The following HTR4 variants were observed in gnomAD, a reference collection of about 807,000 sequenced individuals.
The protein encoded by HTR4 is 5-hydroxytryptamine (serotonin) receptor 4, G protein-coupled.
Under a neutral mutation model 36.8 loss-of-function variants are expected in HTR4, and 16 were observed. That is an observed-to-expected ratio of 0.43 (90% CI 0.29 to 0.66). HTR4 has a LOEUF of 0.66. HTR4 is among the 30% of genes least tolerant of loss of function. The pLI is 0.13. For synonymous variants in HTR4, 189 were observed against 185.1 expected, an observed-to-expected ratio of 1.02 and a Z score of -0.17; for missense variants, 438 against 490.9, an observed-to-expected ratio of 0.89 and a Z score of 1.02.
chr5:148,495,273 A>G (rs1436057581), intron 6 of HTR4, among the ~76,000 whole-genome samples: 1 of 152,234 alleles, frequency 6.6e-6, no homozygotes, highest in Non-Finnish European at 1.5e-5. Flanking sequence ...TGTTATTTTG[A>G]CAATGAAGGA....
intron 2 of HTR4, among the ~76,000 whole-genome samples, chr5:148,585,445 T>C (rs1761309739): frequency 6.6e-6 from 1 of 152,208 alleles, no homozygotes; most frequent in Non-Finnish European, 1.5e-5. Flanking sequence ...TTAACCTTCA[T>C]CCAATAAATA....
chr5:148,477,535 G>T (rs575313107), downstream of HTR4, among the ~76,000 whole-genome samples: 3 of 152,290 alleles, frequency 2.0e-5, no homozygotes, highest in East Asian at 3.9e-4. Context: ...ATTTCCAGCT[G>T]CAGGTAATTT....
intron 6 of HTR4, among the ~76,000 whole-genome samples, chr5:148,497,235 T>C (rs745891885): frequency 1.3e-5 from 2 of 152,178 alleles, no homozygotes; most frequent in African/African-American, 4.8e-5. Flanking sequence ...TCACCCAAGC[T>C]GGAGTGGAGT....
At chr5:148,612,664 G>A (rs1752486765) in intron 2 of HTR4, among the ~76,000 whole-genome samples, 2 of 135,762 alleles carry the variant, frequency 1.5e-5, no homozygotes, top group African/African-American at 5.6e-5. Flanking sequence ...CAGAAGGCAA[G>A]AAATAACTAA....
At chr5:148,516,052 T>C (rs1222398251) in intron 5 of HTR4, among the ~76,000 whole-genome samples, 1 of 150,710 alleles carries the variant, frequency 6.6e-6, no homozygotes, top group Non-Finnish European at 1.5e-5. Flanking sequence ...ATGATACATA[T>C]ATATACATAT....
At chr5:148,539,025 A>G (rs1242439896) in intron 4 of HTR4, among the ~76,000 whole-genome samples, 1 of 152,216 alleles carries the variant, frequency 6.6e-6, no homozygotes, top group African/African-American at 2.4e-5. Flanking sequence ...GTATGAAAAC[A>G]GAAACATAGA....
chr5:148,471,676 TA>T (rs1457908662), downstream of HTR4, among the ~76,000 whole-genome samples: 1 of 152,240 alleles, frequency 6.6e-6, no homozygotes, highest in East Asian at 1.9e-4. Flanking sequence ...GACTTTATTA[TA>T]AATCACTATT....
chr5:148,507,701 A>G (rs1757293067), intron 6 of HTR4, among the ~76,000 whole-genome samples: 1 of 152,064 alleles, frequency 6.6e-6, no homozygotes, highest in Admixed American at 6.6e-5. Context: ...TTAACAATAC[A>G]TCTTATTTAG....
chr5:148,509,483 G>C lies in HTR4; in HGVS notation c.1049C>G (p.Thr350Ser), dbSNP rs774977578. ...LGQTVPCSTT[T>S]INGSTHVLRD... ...TAGTACATGTGTGGATCCATTAATG[G>C]TTGTGGTTGAACAAGGGACAGTCTG... is the stretch of plus-strand genomic sequence containing the variant. The change falls in exon 6 of 7, where the codon ACC becomes AGC. Residue 350 changes from threonine to serine, a missense_variant. Physicochemically the swap from Thr to Ser is moderately conservative, Grantham distance 58. Coordinates refer to ENST00000377888, the MANE Select transcript of HTR4 (RefSeq NM_000870.7). 1.9e-6 allele frequency: 3 copies of C among 1,612,288 alleles called. No homozygotes were observed. Among genetic ancestry groups the C allele is most frequent in the Admixed American group, 1.7e-5 (1 of 59,882 alleles).
chr5:148,470,136 TG>T (rs1441485590), intron 5 of HTR4, among the ~76,000 whole-genome samples: 1 of 152,234 alleles, frequency 6.6e-6, no homozygotes. Context: ...ATTTGTTTGA[TG>T]GTCACTATCT....
At chr5:148,545,837 C>T (rs1409432497) in intron 4 of HTR4, among the ~76,000 whole-genome samples, 1 of 152,178 alleles carries the variant, frequency 6.6e-6, no homozygotes, top group African/African-American at 2.4e-5. Flanking sequence ...AATGAATAGC[C>T]ACTGAAGGGT....
chr5:148,607,375 C>T (rs1752219102), intron 2 of HTR4, among the ~76,000 whole-genome samples: 2 of 152,174 alleles, frequency 1.3e-5, no homozygotes, highest in Non-Finnish European at 2.9e-5. Flanking sequence ...GCCTAGCCTG[C>T]CCATGCTGTG....
At chr5:148,599,924 A>G (rs1381575711) in intron 2 of HTR4, among the ~76,000 whole-genome samples, 2 of 151,958 alleles carry the variant, frequency 1.3e-5, no homozygotes, top group African/African-American at 4.8e-5. Context: ...ATAACCATTA[A>G]GGAATATACT....
At chr5:148,543,561 T>C (rs1759226286) in intron 4 of HTR4, among the ~76,000 whole-genome samples, 1 of 152,200 alleles carries the variant, frequency 6.6e-6, no homozygotes, top group East Asian at 1.9e-4. Flanking sequence ...AGTCTGCTTA[T>C]TACATATGAA....
rs140635342 is a variant in HTR4 at position 148,573,704 on chromosome 5, A to G, written c.27-23442T>C. 1.9e-3 allele frequency among the ~76,000 whole-genome samples: 292 copies of G among 152,080 alleles called. 7 individuals are homozygous for G. The East Asian group carries it at 0.032, about 16-fold the overall frequency. ...AGTGGTTGACCTCCTGGGTCTAGAC[A>G]AGGCATTCTAGCATTTGTCTTGCTA... On this transcript the variant is annotated intron_variant, in intron 2 of 6. Coordinates refer to ENST00000377888, the MANE Select transcript of HTR4 (RefSeq NM_000870.7).
chr5:148,524,889 G>A (rs780531137), intron 4 of HTR4, among the ~76,000 whole-genome samples: 5 of 152,274 alleles, frequency 3.3e-5, no homozygotes, highest in Non-Finnish European at 5.9e-5. Flanking sequence ...GAGAGAGGGT[G>A]GAATGAGGAG....
Position 148,595,548 on chromosome 5 carries a change from CA to C in HTR4, c.26+41440del, listed in dbSNP as rs141730416. On this transcript the variant is annotated intron_variant, in intron 2 of 6. Transcript: ENST00000377888. ...ATGCCCCAAACATGAGAAGGGTGTG[CA>C]AAGATCCCACAATGCAATGACATAA... 8.9e-3 allele frequency among the ~76,000 whole-genome samples: 1,352 copies of C among 152,186 alleles called. 23 individuals are homozygous for C. The highest frequency in any genetic ancestry group is 0.031 in the African/African-American group (1,289 of 41,518).
At chr5:148,542,578 T>G (rs896514839) in intron 4 of HTR4, among the ~76,000 whole-genome samples, 5 of 152,132 alleles carry the variant, frequency 3.3e-5, no homozygotes, top group Admixed American at 3.3e-4. Flanking sequence ...CAGCTGGGTG[T>G]ATCCAAAAAA....
chr5:148,613,431 A>G (rs1461073262), intron 2 of HTR4, among the ~76,000 whole-genome samples: 2 of 152,056 alleles, frequency 1.3e-5, no homozygotes, highest in Non-Finnish European at 1.5e-5. Flanking sequence ...GACAAAAACC[A>G]CATGATTATC....
Sources: gnomAD v4.1 joint callset for allele counts (sites outside exome capture counted in the v4.1 genomes callset) on GRCh38, gnomAD v4.1.1 for gene constraint, MANE v1.5 for transcripts, NCBI Gene and HGNC (gene_info 2026-07-23, HGNC 2026-07-21) for gene names.